The following L3MBTL4 variants were observed in gnomAD, a reference collection of about 807,000 sequenced individuals.
L3MBTL4 encodes the protein lethal(3)malignant brain tumor-like protein 4.
In L3MBTL4, 70 loss-of-function variants were observed where a neutral mutation model predicts 84.5. That is an observed-to-expected ratio of 0.83 (90% CI 0.68 to 1.01). L3MBTL4 has a LOEUF of 1.01. Among genes scored for constraint, L3MBTL4 ranks in the 50% least tolerant of loss-of-function variants. The pLI, the probability that L3MBTL4 is intolerant of heterozygous loss-of-function variation, is 0.00. For missense variants in L3MBTL4, 715 were observed against 754.8 expected (o/e 0.95, Z 0.62); for synonymous variants, 274 against 259.8 (o/e 1.05, Z -0.52).
intron 4 of L3MBTL4, among the ~76,000 whole-genome samples, chr18:6,276,029 A>T (rs2049064397): frequency 6.6e-6 from 1 of 152,194 alleles, no homozygotes; most frequent in Admixed American, 6.5e-5. Context: ...GACAGAACTC[A>T]AAGTCATCCC....
chr18:6,042,212 A>G (rs2056433511), intron 16 of L3MBTL4, among the ~76,000 whole-genome samples: 1 of 152,108 alleles, frequency 6.6e-6, no homozygotes, highest in Non-Finnish European at 1.5e-5. Flanking sequence ...CCCAAGGTTA[A>G]TCCCATCTCT....
intron 12 of L3MBTL4, among the ~76,000 whole-genome samples, chr18:6,200,292 G>C (rs2045595895): frequency 6.6e-6 from 1 of 152,184 alleles, no homozygotes; most frequent in Non-Finnish European, 1.5e-5. Flanking sequence ...CTCGTACACT[G>C]ATAAGCACAC....
chr18:6,295,334 C>T (rs1680991474), intron 4 of L3MBTL4, among the ~76,000 whole-genome samples: 1 of 130,508 alleles, frequency 7.7e-6, no homozygotes, highest in Non-Finnish European at 1.5e-5. Context: ...CTCTCTCTCT[C>T]TCTCTCTCTC....
At position 6,154,233 on chromosome 18, in the gene L3MBTL4, T is replaced by C. The variant is rs139076550; in HGVS notation, c.1097-15937A>G. Among the ~76,000 whole-genome samples, 8 of 152,334 alleles carry C rather than the reference T, an allele frequency of 5.3e-5. No homozygotes were observed. The East Asian group carries it at 1.5e-3, about 29-fold the overall frequency. On this transcript the variant is annotated intron_variant, in intron 13 of 18. Transcript: ENST00000317931. ...CTGTCTATTTCTCTATTCACATCTCTTAATATTTGCTTTACATAATAATCA... is the reference window on the plus strand; with the variant it reads ...CTGTCTATTTCTCTATTCACATCTCCTAATATTTGCTTTACATAATAATCA...
At chr18:6,133,515 C>T (rs1568176219) in intron 14 of L3MBTL4, among the ~76,000 whole-genome samples, 1 of 152,182 alleles carries the variant, frequency 6.6e-6, no homozygotes, top group Non-Finnish European at 1.5e-5. Flanking sequence ...CTCCCCTTCC[C>T]TCCCTCATCT....
intron 1 of L3MBTL4, among the ~76,000 whole-genome samples, chr18:6,350,117 A>C (rs1042512380): frequency 6.6e-6 from 1 of 152,212 alleles, no homozygotes; most frequent in South Asian, 2.1e-4. Flanking sequence ...TAAAATGAAC[A>C]AAAGACCTAA....
chr18:6,178,570 G>A (rs2044326578), intron 12 of L3MBTL4, among the ~76,000 whole-genome samples: 1 of 152,114 alleles, frequency 6.6e-6, no homozygotes, highest in Non-Finnish European at 1.5e-5. Context: ...ATCTGGGTTT[G>A]CATAAAATAA....
chr18:6,340,676 C>T (rs923177683), intron 1 of L3MBTL4, among the ~76,000 whole-genome samples: 1 of 152,122 alleles, frequency 6.6e-6, no homozygotes, highest in Non-Finnish European at 1.5e-5. Flanking sequence ...GACTCACTGA[C>T]AAATCCCTCA....
rs1555682198 is a variant in L3MBTL4, at chr18:6,185,970, T to TTTTA, written c.982-14032_982-14029dup. On this transcript the variant is annotated intron_variant, in intron 12 of 18. Coordinates refer to ENST00000317931, the MANE Select transcript of L3MBTL4 (RefSeq NM_001330559.2). ...CAAAAAGGGCACTTTCTTTATTTTA[T>TTTTA]TTTATTTTATTTTATTTTATTTTAT... 4.3e-5 allele frequency among the ~76,000 whole-genome samples: 6 copies of TTTTA among 140,272 alleles called. 1 individual carries two copies. The highest frequency in any genetic ancestry group is 1.7e-4 in the African/African-American group (6 of 35,454). The allele number at this position is 140,272 out of a possible 152,430, so 92.0% of individuals were successfully genotyped here.
At chr18:6,144,103 A>G (rs751193327) in intron 13 of L3MBTL4, among the ~76,000 whole-genome samples, 22 of 149,666 alleles carry the variant, frequency 1.5e-4, no homozygotes, top group Non-Finnish European at 2.7e-4. Flanking sequence ...GGCTGAGGCA[A>G]GAGAATGGCG....
At chr18:6,331,993 C>T (rs1177749592) in intron 1 of L3MBTL4, among the ~76,000 whole-genome samples, 2 of 151,972 alleles carry the variant, frequency 1.3e-5, no homozygotes, top group East Asian at 3.9e-4. Context: ...AGCACAGTCC[C>T]TGACCTCCAG....
intron 16 of L3MBTL4, among the ~76,000 whole-genome samples, chr18:6,077,455 A>T (rs2143116404): frequency 6.6e-6 from 1 of 152,330 alleles, no homozygotes; most frequent in South Asian, 2.1e-4. Context: ...TACGTATTGA[A>T]AAAAGTGTGT....
intron 14 of L3MBTL4, among the ~76,000 whole-genome samples, chr18:6,099,477 T>C (rs62079166): frequency 1.3e-4 from 20 of 149,256 alleles, no homozygotes; most frequent in African/African-American, 3.7e-4. Context: ...CCATCATGAG[T>C]TTTTAACATC....
chr18:6,196,353 T>C (rs1364508597), intron 12 of L3MBTL4, among the ~76,000 whole-genome samples: 3 of 152,058 alleles, frequency 2.0e-5, no homozygotes, highest in African/African-American at 7.2e-5. Context: ...AAGACGCGGT[T>C]TCACCGTGTT....
At chr18:6,104,221 T>A (rs2058924836) in intron 14 of L3MBTL4, among the ~76,000 whole-genome samples, 1 of 152,218 alleles carries the variant, frequency 6.6e-6, no homozygotes, top group Non-Finnish European at 1.5e-5. Flanking sequence ...ATCCCACTTC[T>A]GGATATTTAT....
chr18:6,286,043 GC>G (rs1371479363), intron 4 of L3MBTL4, among the ~76,000 whole-genome samples: 1 of 151,616 alleles, frequency 6.6e-6, no homozygotes, highest in Non-Finnish European at 1.5e-5. Flanking sequence ...TGTTGGCCAT[GC>G]TGGTCTCAAT....
At chr18:6,247,466 A>ATTTTTTTTTTTTTTTTTTTTTTTTTTTT (rs71163266) in intron 5 of L3MBTL4, among the ~76,000 whole-genome samples, 1 of 49,642 alleles carries the variant, frequency 2.0e-5, no homozygotes, top group African/African-American at 1.0e-4. Context: ...CCCTCCTCTG[A>ATTTTTTTTTTTTTTTTTTTTTTTTTTTT]TTTTTTTTTT....
intron 12 of L3MBTL4, among the ~76,000 whole-genome samples, chr18:6,182,307 GTGTC>G (rs1368236587): frequency 7.9e-5 from 12 of 152,172 alleles, no homozygotes; most frequent in Non-Finnish European, 1.6e-4. Flanking sequence ...TTTTTGAAAA[GTGTC>G]TGTTCATATA....
chr18:6,389,111 T>C (rs911471967), intron 1 of L3MBTL4, among the ~76,000 whole-genome samples: 2 of 152,028 alleles, frequency 1.3e-5, no homozygotes, highest in Non-Finnish European at 2.9e-5. Flanking sequence ...GCAGAAACCT[T>C]CCAAGCCATA....
Sources: gnomAD v4.1 joint callset for allele counts (sites outside exome capture counted in the v4.1 genomes callset) on GRCh38, gnomAD v4.1.1 for gene constraint, MANE v1.5 for transcripts, NCBI Gene and HGNC (gene_info 2026-07-23, HGNC 2026-07-21) for gene names.